CNTNAP1: variants seen among roughly 807,000 people sequenced by gnomAD.
CNTNAP1 encodes contactin-associated protein 1.
CNTNAP1 carries 80 observed loss-of-function variants against 161.5 expected under a neutral mutation model. The ratio of observed to expected loss-of-function variants is 0.50; its 90% CI spans 0.41 to 0.60. The LOEUF (loss-of-function observed/expected upper bound fraction) is 0.60, where lower values mean the gene tolerates loss of function less well. CNTNAP1 is among the 20% of genes least tolerant of loss of function. The probability of loss-of-function intolerance (pLI) is 0.00; values close to 1 mark genes in which losing one functional copy is unlikely to be tolerated. For synonymous variants in CNTNAP1, 695 were observed against 733.1 expected, an observed-to-expected ratio of 0.95 and a Z score of 0.84; for missense variants, 1,464 against 1,854.8, an observed-to-expected ratio of 0.79 and a Z score of 3.87.
At chr17:42,684,846 A>C (rs1186977276) in intron 3 of CNTNAP1, 145 bp from the exon 4 acceptor site, 10 of 851,224 alleles carry the variant, frequency 1.2e-5, no homozygotes, top group South Asian at 3.7e-5. Flanking sequence ...AATTGTTTGA[A>C]CCCGGGAGGC....
chr17:42,689,168 TG>T, intron 10 of CNTNAP1, 121 bp downstream of exon 10: 1 of 973,984 alleles, frequency 1.0e-6, no homozygotes. Flanking sequence ...GTCCCCTGCT[TG>T]GGGATGATTC....
chr17:42,698,530 A>AGTGC (rs1555644479), intron 23 of CNTNAP1, 88 bp from the exon 24 acceptor site: 6 of 1,039,656 alleles, frequency 5.8e-6, no homozygotes, highest in Admixed American at 2.4e-5. Context: ...AATCTCAAAG[A>AGTGC]GTGCGTGTGT....
chr17:42,696,936 G>A (rs1231757322), intron 20 of CNTNAP1, among the ~76,000 whole-genome samples: 1 of 152,120 alleles, frequency 6.6e-6, no homozygotes, highest in East Asian at 1.9e-4. Context: ...CACTTTGGGA[G>A]GCTGAAGTGG....
chr17:42,684,330 G>T (rs1253024313), intron 3 of CNTNAP1, 101 bp downstream of exon 3: 2 of 1,182,294 alleles, frequency 1.7e-6, no homozygotes, highest in Non-Finnish European at 2.4e-6. Flanking sequence ...TGGTGGTGAG[G>T]GCTCGGACAA....
At position 42,697,260 on chromosome 17, in the gene CNTNAP1, C is replaced by T. The variant is rs368594261; in HGVS notation, c.3475-14C>T. 2 of 1,603,186 alleles carry T rather than the reference C, an allele frequency of 1.2e-6. No homozygotes were observed. The highest frequency in any genetic ancestry group is 3.3e-5 in the Admixed American group (2 of 59,988). On this transcript the variant is annotated splice_polypyrimidine_tract_variant and intron_variant, in intron 20 of 23. Transcript: ENST00000264638. ...GCTCCCTCATCGCCCTCCCCCTCCCCCTCCCCACCTCAGGTGGACTACTTC... is the reference window on the plus strand; with the variant it reads ...GCTCCCTCATCGCCCTCCCCCTCCCTCTCCCCACCTCAGGTGGACTACTTC...
In CNTNAP1 at chr17:42,699,003, C is replaced by T. The variant is rs569159597; in HGVS notation, c.*93C>T. On this transcript the variant is annotated 3_prime_UTR_variant, in exon 24 of 24. Transcript: ENST00000264638. ...ATCAGGGACATTTGGCTCCTCTTAG[C>T]TGGCTCTGCTCATCCAGAGGATATT... The T allele has an allele frequency of 1.7e-6, 2 of 1,162,678 alleles. No homozygotes were observed. Among genetic ancestry groups the T allele is most frequent in the African/African-American group, 3.1e-5 (2 of 64,738 alleles). 72.0% of individuals were successfully genotyped at this position (1,162,678 alleles called of 1,614,324 possible). A position where few individuals can be genotyped will look rare whatever the true frequency, so the allele number is the denominator to read the frequency against.
chr17:42,691,907 T>C lies in CNTNAP1; in HGVS notation c.2446T>C (p.Ser816Pro). The C allele has an allele frequency of 6.2e-7, 1 of 1,614,148 alleles. No individual in the cohort carries two copies. Among genetic ancestry groups the C allele is most frequent in the African/African-American group, 1.3e-5 (1 of 75,028 alleles). ...GGATGTCTCCTTCTACTTCAGGACCTCTGCTCCCTCGGGGGTCTTCCTAGA... is the reference window on the plus strand; with the variant it reads ...GGATGTCTCCTTCTACTTCAGGACCCCTGCTCCCTCGGGGGTCTTCCTAGA... ...SLDVSFYFRTSAPSGVFLENM... is the reference protein window; with the variant it reads ...SLDVSFYFRTPAPSGVFLENM... The change falls in exon 16 of 24, where the codon TCT becomes CCT. Residue 816 changes from serine to proline, a missense_variant. Transcript: ENST00000264638. This position sits in a 1 kb window ranked among gnomAD's most constrained non-coding sequence, Gnocchi z 4.3.
chr17:42,698,445 ATGTGTGTGTGTG>A (rs71276881), intron 23 of CNTNAP1, among the ~76,000 whole-genome samples, 161 bp from the exon 24 acceptor site: 62 of 139,590 alleles, frequency 4.4e-4, no homozygotes, highest in Admixed American at 1.4e-3. Context: ...CCAAAAGTAA[ATGTGTGTGTGTG>A]TGTGTGTGTG....
At chr17:42,695,499 A>G (rs2053139480) in intron 18 of CNTNAP1, 22 bp from the exon 19 acceptor site, 4 of 1,579,238 alleles carry the variant, frequency 2.5e-6, no homozygotes, top group Middle Eastern at 1.7e-4. Context: ...GGGGGCCCTA[A>G]CCTCCCTGCT....
At chr17:42,683,233 G>A in intron 1 of CNTNAP1, 1 of 569,378 alleles carries the variant, frequency 1.8e-6, no homozygotes, top group South Asian at 3.0e-5. Flanking sequence ...GGTTTTGCCA[G>A]GGCTTAAGGC....
intron 20 of CNTNAP1, among the ~76,000 whole-genome samples, chr17:42,696,520 T>G (rs1293402802): frequency 6.6e-6 from 1 of 152,042 alleles, no homozygotes; most frequent in Admixed American, 6.6e-5. Flanking sequence ...ACAGGAGTTC[T>G]CCATGTTGGT....
Position 42,687,846 on chromosome 17 carries a change from A to T in CNTNAP1, c.1171A>T (p.Thr391Ser). 11 of 1,614,150 alleles carry T rather than the reference A, an allele frequency of 6.8e-6. No homozygotes were observed. The highest frequency in any genetic ancestry group is 9.3e-6 in the Non-Finnish European group (11 of 1,180,026). Residue 391 changes from threonine (T) to serine (S), a missense_variant, in exon 8 of 24, where the codon ACC becomes TCC. Thr to Ser is a moderately conservative substitution (Grantham distance 58). Transcript: ENST00000264638. This position sits in a 1 kb window ranked among gnomAD's most constrained non-coding sequence, Gnocchi z 4.7. ...CCTGGCAGTCTCATTTCGCTTCCGC[A>T]CCTGGGACCTCACCGGGCTTCTCCT... Reference protein sequence around the residue: ...GRLAVSFRFRTWDLTGLLLFS... With the variant: ...GRLAVSFRFRSWDLTGLLLFS...
intron 20 of CNTNAP1, among the ~76,000 whole-genome samples, chr17:42,696,633 C>T (rs1331488282): frequency 2.0e-5 from 3 of 152,098 alleles, no homozygotes; most frequent in South Asian, 2.1e-4. Flanking sequence ...AGACAATAGG[C>T]ATTCTTATTT....
chr17:42,698,534 CGTGTGTGTGTGT>C (rs112344327), intron 23 of CNTNAP1, 72 bp from the exon 24 acceptor site: 125 of 865,180 alleles, frequency 1.4e-4, no homozygotes, highest in Non-Finnish European at 1.9e-4. Context: ...TCAAAGAGTG[CGTGTGTGTGTGT>C]GTGTGTGTGT....
At chr17:42,683,386 T>TA in intron 1 of CNTNAP1, 1 of 1,086,870 alleles carries the variant, frequency 9.2e-7, no homozygotes, top group Non-Finnish European at 1.1e-6. Flanking sequence ...GTGATGGTGC[T>TA]AGCACTGGCT....
Position 42,692,730 on chromosome 17 carries a change from A to C in CNTNAP1, c.2752+10A>C, listed in dbSNP as rs1473884023. 6.3e-7 allele frequency: 1 copy of C among 1,594,646 alleles called. No homozygotes were observed. The highest frequency in any genetic ancestry group is 8.6e-7 in the Non-Finnish European group (1 of 1,166,892). ...CAGCCCCTCTATGTGGGTAAGCAGC[A>C]ACCCAGAGGCAAGTCTGAAGCCTCC... On this transcript the variant is annotated intron_variant, in intron 17 of 23. Transcript: ENST00000264638.
rs2053031657 is a variant in CNTNAP1 at position 42,687,407 on chromosome 17, T to A, written c.1045-313T>A. On this transcript the variant is annotated intron_variant, in intron 7 of 23. Coordinates refer to ENST00000264638, the MANE Select transcript of CNTNAP1 (RefSeq NM_003632.3). This position sits in a 1 kb window ranked among gnomAD's most constrained non-coding sequence, Gnocchi z 4.7. ...ACCCTCTCCGACTCTGGAGCTCTGT[T>A]GGGAAGCTGGCAGGAGCCAGGTCTG... 1 of 516,496 alleles carries A rather than the reference T, an allele frequency of 1.9e-6. No homozygotes were observed. Among genetic ancestry groups the A allele is most frequent in the African/African-American group, 1.9e-5 (1 of 52,474 alleles). The allele number at this position is 516,496 out of a possible 1,614,324, so 32.0% of individuals were successfully genotyped here. A position where few individuals can be genotyped will look rare whatever the true frequency, so the allele number is the denominator to read the frequency against.
At chr17:42,697,167 GC>G (rs1259607653) in intron 20 of CNTNAP1, 106 bp from the exon 21 acceptor site, 7 of 815,756 alleles carry the variant, frequency 8.6e-6, no homozygotes, top group Non-Finnish European at 1.2e-5. Context: ...TCCAGTATCT[GC>G]CCCCAAGTAT....
Position 42,687,527 on chromosome 17 carries a change from C to A in CNTNAP1, c.1045-193C>A. 1.5e-6 allele frequency: 1 copy of A among 655,962 alleles called. No individual in the cohort carries two copies. The highest frequency in any genetic ancestry group is 2.6e-6 in the Non-Finnish European group (1 of 382,574). 40.6% of individuals were successfully genotyped at this position (655,962 alleles called of 1,614,324 possible). A position where few individuals can be genotyped will look rare whatever the true frequency, so the allele number is the denominator to read the frequency against. On this transcript the variant is annotated intron_variant, in intron 7 of 23. Coordinates refer to ENST00000264638, the MANE Select transcript of CNTNAP1 (RefSeq NM_003632.3). This position sits in a 1 kb window ranked among gnomAD's most constrained non-coding sequence, Gnocchi z 4.7. ...GAGCAAGCGAGCAGAGTTCCGAGGG[C>A]CGACTGGGTTGGGGCCCCCTCCACA... is the stretch of plus-strand genomic sequence containing the variant.
Sources: gnomAD v4.1 joint callset for allele counts (sites outside exome capture counted in the v4.1 genomes callset) on GRCh38, gnomAD v4.1.1 for gene constraint, Gnocchi (gnomAD v3.1) non-coding constraint, MANE v1.5 for transcripts, NCBI Gene and HGNC (gene_info 2026-07-23, HGNC 2026-07-21) for gene names.